Variants in CMC1 observed in about 807,000 individuals in gnomAD.
CMC1 encodes the protein COX assembly mitochondrial protein homolog.
A neutral mutation model predicts 14.1 loss-of-function variants in CMC1; 14 were observed. That is an observed-to-expected ratio of 0.99 (90% CI 0.66 to 1.55). The LOEUF (loss-of-function observed/expected upper bound fraction) is 1.55. Ranked by LOEUF, CMC1 falls within the 40% of genes most tolerant of loss-of-function variation. The pLI is 0.00. For missense variants in CMC1, 127 were observed against 123.8 expected, an observed-to-expected ratio of 1.03 and a Z score of -0.12; for synonymous variants, 50 against 38.4, an observed-to-expected ratio of 1.30 and a Z score of -1.12.
chr3:28,248,905 T>A (rs1019115330), intron 1 of CMC1, among the ~76,000 whole-genome samples: 5 of 152,164 alleles, frequency 3.3e-5, no homozygotes, highest in African/African-American at 1.2e-4. Context: ...TTCTTCTGCC[T>A]CAGTCTCCTA....
intron 2 of CMC1, among the ~76,000 whole-genome samples, chr3:28,283,422 A>T (rs769652178): frequency 3.9e-5 from 6 of 151,944 alleles, no homozygotes; most frequent in Non-Finnish European, 5.9e-5. Context: ...AGGAGGCTGA[A>T]GCAAGAGAAT....
At chr3:28,315,328 A>AGGG (rs1702842901) in intron 2 of CMC1, among the ~76,000 whole-genome samples, 1 of 152,208 alleles carries the variant, frequency 6.6e-6, no homozygotes, top group South Asian at 2.1e-4. Context: ...AAAAGGCAGA[A>AGGG]TACCCAAGGT....
At chr3:28,294,568 A>G (rs1489630731) in intron 2 of CMC1, 1 of 482,186 alleles carries the variant, frequency 2.1e-6, no homozygotes, top group Non-Finnish European at 2.7e-6. Flanking sequence ...TATATTACAT[A>G]AAAATAAAAT....
rs1377803730 is a variant in CMC1 at position 28,321,867 on chromosome 3, T to C, written c.*2238T>C. 8 of 151,424 alleles carry C rather than the reference T, an allele frequency of 5.3e-5. No individual in the cohort carries two copies. Among genetic ancestry groups the C allele is most frequent in the East Asian group, 1.9e-4 (1 of 5,168 alleles). The allele number at this position is 151,424 out of a possible 1,614,324, so 9.4% of individuals were successfully genotyped here. On this transcript the variant is annotated 3_prime_UTR_variant, in exon 4 of 4. Transcript: ENST00000466830. ...GGAAGGAATAGGTGGCTTTTTGTTA[T>C]GTTTTCTTCATTCTGTCGATTTATG...
At chr3:28,319,197 C>T in intron 3 of CMC1, 1 of 463,152 alleles carries the variant, frequency 2.2e-6, no homozygotes, top group Non-Finnish European at 4.3e-6. Context: ...TGCACTGGGC[C>T]ATACCTCTGT....
chr3:28,245,027 G>A (rs1252746216), intron 1 of CMC1, among the ~76,000 whole-genome samples: 2 of 146,966 alleles, frequency 1.4e-5, no homozygotes, highest in Non-Finnish European at 3.0e-5. Context: ...ATGTTTTACT[G>A]CTTTGTACAG....
intron 2 of CMC1, among the ~76,000 whole-genome samples, chr3:28,265,545 A>C (rs1009172155): frequency 1.1e-4 from 17 of 152,120 alleles, no homozygotes; most frequent in African/African-American, 4.1e-4. Flanking sequence ...AAGATACAGG[A>C]ATTTTAATAA....
chr3:28,317,975 G>C (rs750479494), intron 3 of CMC1: 2 of 151,806 alleles, frequency 1.3e-5, no homozygotes, highest in Non-Finnish European at 2.9e-5. Flanking sequence ...AAGGATGGCT[G>C]TTTCTGCTTG....
intron 2 of CMC1, among the ~76,000 whole-genome samples, chr3:28,312,716 CTTAA>C (rs1222192165): frequency 6.6e-6 from 1 of 151,982 alleles, no homozygotes; most frequent in African/African-American, 2.4e-5. Flanking sequence ...ACTACTTGTA[CTTAA>C]TTATATAGAC....
intron 2 of CMC1, among the ~76,000 whole-genome samples, chr3:28,314,602 A>C (rs1242326274): frequency 6.6e-6 from 1 of 152,152 alleles, no homozygotes; most frequent in African/African-American, 2.4e-5. Context: ...ACTATGTATC[A>C]CTCACTTCAT....
chr3:28,273,206 A>C (rs951413316), intron 2 of CMC1, among the ~76,000 whole-genome samples: 2 of 152,010 alleles, frequency 1.3e-5, no homozygotes, highest in African/African-American at 4.8e-5. Flanking sequence ...AGAACTTGTT[A>C]TTGTTTTTTG....
At chr3:28,300,599 C>G (rs970928212) in intron 2 of CMC1, among the ~76,000 whole-genome samples, 1 of 93,234 alleles carries the variant, frequency 1.1e-5, no homozygotes, top group African/African-American at 3.0e-5. Flanking sequence ...ATCTCTCTTC[C>G]TTCCTTCCTT....
At chr3:28,293,154 T>C (rs1701562473) in intron 2 of CMC1, among the ~76,000 whole-genome samples, 1 of 152,174 alleles carries the variant, frequency 6.6e-6, no homozygotes, top group Non-Finnish European at 1.5e-5. Flanking sequence ...ATCCTTTTAA[T>C]TTCATATAGT....
intron 2 of CMC1, among the ~76,000 whole-genome samples, chr3:28,284,553 A>C (rs1701072990): frequency 6.6e-6 from 1 of 152,204 alleles, no homozygotes; most frequent in African/African-American, 2.4e-5. Context: ...TTGAATGTGC[A>C]TCCAAGGTTG....
At chr3:28,246,853 T>C (rs964737350) in intron 1 of CMC1, among the ~76,000 whole-genome samples, 2 of 150,182 alleles carry the variant, frequency 1.3e-5, no homozygotes, top group African/African-American at 4.9e-5. Context: ...GGTTGCAAAA[T>C]AATGATTTTC....
At chr3:28,245,886 A>G (rs866687022) in intron 1 of CMC1, among the ~76,000 whole-genome samples, 2 of 152,344 alleles carry the variant, frequency 1.3e-5, no homozygotes, top group African/African-American at 4.8e-5. Context: ...AACAAACTTG[A>G]AGAATCTTTT....
At chr3:28,259,939 A>G (rs1430726097) in intron 1 of CMC1, among the ~76,000 whole-genome samples, 2 of 152,138 alleles carry the variant, frequency 1.3e-5, no homozygotes, top group Non-Finnish European at 2.9e-5. Flanking sequence ...AGTATTAAGT[A>G]TGATGTAAGC....
intron 1 of CMC1, among the ~76,000 whole-genome samples, chr3:28,257,541 A>G (rs1381261840): frequency 6.6e-6 from 1 of 151,922 alleles, no homozygotes; most frequent in Non-Finnish European, 1.5e-5. Flanking sequence ...TGTTTTTGAG[A>G]CTGAGTCTCA....
Position 28,324,559 on chromosome 3 carries a change from G to C in CMC1, c.*4930G>C. On this transcript the variant is annotated 3_prime_UTR_variant, in exon 4 of 4. Transcript: ENST00000466830. Reference sequence around the variant, plus strand: ...ATTCTAGAACTGGTGATGAAATTAAGATTTCCAAGTTAGTGTGATCATTGA... The same window carrying C: ...ATTCTAGAACTGGTGATGAAATTAACATTTCCAAGTTAGTGTGATCATTGA... 9.2e-7 allele frequency: 1 copy of C among 1,084,480 alleles called. No individual in the cohort carries two copies. Among genetic ancestry groups the C allele is most frequent in the Non-Finnish European group, 1.2e-6 (1 of 809,226 alleles). The allele number at this position is 1,084,480 out of a possible 1,614,324, so 67.2% of individuals were successfully genotyped here.
Sources: gnomAD v4.1 joint callset for allele counts (sites outside exome capture counted in the v4.1 genomes callset) on GRCh38, gnomAD v4.1.1 for gene constraint, MANE v1.5 for transcripts, NCBI Gene and HGNC (gene_info 2026-07-23, HGNC 2026-07-21) for gene names.